GRM7: variants seen among roughly 807,000 people sequenced by gnomAD.
GRM7 encodes the protein glutamate metabotropic receptor 7, also known as metabotropic glutamate receptor 7.
GRM7 carries 35 observed loss-of-function variants against 84.5 expected under a neutral mutation model. The observed-to-expected ratio is 0.41, with a 90% CI of 0.32 to 0.55. The LOEUF is 0.55. Ranked by LOEUF, GRM7 falls within the 20% of genes least tolerant of loss-of-function variation. GRM7 has a pLI of 0.19. For synonymous variants in GRM7, 487 were observed against 455.1 expected (o/e 1.07, Z -0.89); for missense variants, 1,003 against 1,194.6 (o/e 0.84, Z 2.36).
rs1291092474 is a variant in GRM7, at chr3:7,578,537, C to T, written c.1631C>T (p.Thr544Ile). The T allele has an allele frequency of 6.2e-7, 1 of 1,613,894 alleles. No individual in the cohort carries two copies. Among genetic ancestry groups the T allele is most frequent in the Non-Finnish European group, 8.5e-7 (1 of 1,179,838 alleles). Reference sequence around the variant, plus strand: ...CAGAAAGGAACTCCTTGCTGTTGGACCTGTGAGCCTTGCGATGGTTACCAG... The same window carrying T: ...CAGAAAGGAACTCCTTGCTGTTGGATCTGTGAGCCTTGCGATGGTTACCAG... ...KTQKGTPCCW[T>I]CEPCDGYQYQ... is the part of the protein sequence containing the mutation. Residue 544 changes from threonine to isoleucine, a missense_variant, in exon 8 of 10, where the codon ACC becomes ATC. This residue lies in a region of GRM7 where 910 missense variants were observed against 1,126.0 expected (regional missense o/e 0.81). Coordinates refer to ENST00000357716, the MANE Select transcript of GRM7 (RefSeq NM_000844.4).
intron 1 of GRM7, among the ~76,000 whole-genome samples, chr3:7,028,157 G>A (rs1304819309): frequency 6.6e-6 from 1 of 152,164 alleles, no homozygotes; most frequent in African/African-American, 2.4e-5. Context: ...GCCTGGTGCA[G>A]AGCAACCCTA....
At chr3:6,906,985 A>G (rs946879722) in intron 1 of GRM7, among the ~76,000 whole-genome samples, 9 of 152,172 alleles carry the variant, frequency 5.9e-5, no homozygotes, top group African/African-American at 9.7e-5. Context: ...GACAAATTCA[A>G]CACCTCCCAA....
At chr3:7,485,364 C>G (rs562355863) in intron 7 of GRM7, among the ~76,000 whole-genome samples, 1 of 152,278 alleles carries the variant, frequency 6.6e-6, no homozygotes, top group South Asian at 2.1e-4. Context: ...AGTTTCTCAA[C>G]TCACCTACTG....
chr3:7,024,866 A>G (rs966893768), intron 1 of GRM7, among the ~76,000 whole-genome samples: 4 of 152,222 alleles, frequency 2.6e-5, no homozygotes, highest in African/African-American at 9.6e-5. Flanking sequence ...GTTTTCTATG[A>G]CTGTTGTAAG....
chr3:7,561,514 G>A (rs1391455530), intron 7 of GRM7: 3 of 456,526 alleles, frequency 6.6e-6, no homozygotes, highest in Middle Eastern at 3.3e-4. Flanking sequence ...GACCATTTGT[G>A]CCTGCTACAG....
intron 1 of GRM7, among the ~76,000 whole-genome samples, chr3:7,068,013 G>A (rs1453199355): frequency 6.6e-6 from 1 of 151,950 alleles, no homozygotes; most frequent in Non-Finnish European, 1.5e-5. Context: ...CTGTAATGTA[G>A]TTATTACAAT....
At chr3:7,608,819 G>C (rs1317925401) in intron 8 of GRM7, among the ~76,000 whole-genome samples, 1 of 152,092 alleles carries the variant, frequency 6.6e-6, no homozygotes, top group Non-Finnish European at 1.5e-5. Context: ...TAATGCCTAG[G>C]TTGTCTTCCA....
At chr3:7,625,189 T>C (rs1697550038) in intron 8 of GRM7, among the ~76,000 whole-genome samples, 1 of 152,166 alleles carries the variant, frequency 6.6e-6, no homozygotes. Context: ...TAGAACACTC[T>C]GGTAGCTGTC....
chr3:7,302,337 A>C (rs1217482266), intron 3 of GRM7, among the ~76,000 whole-genome samples: 1 of 152,180 alleles, frequency 6.6e-6, no homozygotes, highest in Non-Finnish European at 1.5e-5. Context: ...CATCTTTTAC[A>C]ATTCATATTA....
chr3:7,703,349 T>C (rs1701287733), intron 9 of GRM7, among the ~76,000 whole-genome samples: 1 of 152,174 alleles, frequency 6.6e-6, no homozygotes. Context: ...TGCATGCTAC[T>C]GTAAGTTCTT....
intron 2 of GRM7, among the ~76,000 whole-genome samples, chr3:7,176,228 GTAAAAAAAAA>G (rs1695142096): frequency 1.4e-4 from 2 of 14,012 alleles, no homozygotes; most frequent in Non-Finnish European, 2.3e-4. Context: ...TCTATAAAAA[GTAAAAAAAAA>G]AAAAAAAAAA....
intron 2 of GRM7, among the ~76,000 whole-genome samples, chr3:7,177,211 C>T (rs1400205673): frequency 6.6e-6 from 1 of 152,136 alleles, no homozygotes; most frequent in African/African-American, 2.4e-5. Context: ...AAATGCATAG[C>T]CTTTAAGGCT....
intron 4 of GRM7, among the ~76,000 whole-genome samples, chr3:7,366,048 T>C (rs1693877427): frequency 6.6e-6 from 1 of 151,768 alleles, no homozygotes; most frequent in Non-Finnish European, 1.5e-5. Context: ...TTCCTACTTT[T>C]GTGGACTGTG....
intron 1 of GRM7, among the ~76,000 whole-genome samples, chr3:6,901,350 A>T (rs1696373658): frequency 6.6e-6 from 1 of 152,168 alleles, no homozygotes. Context: ...CTGTAATCCC[A>T]GTACTTTGGG....
At chr3:7,119,124 T>G (rs1326311008) in intron 1 of GRM7, among the ~76,000 whole-genome samples, 1 of 152,164 alleles carries the variant, frequency 6.6e-6, no homozygotes, top group African/African-American at 2.4e-5. Flanking sequence ...TTTTAGAAAC[T>G]ATGAGTGTGC....
chr3:7,306,479 T>C lies in GRM7; in HGVS notation c.879-19T>C. The C allele has an allele frequency of 1.9e-6, 3 of 1,609,538 alleles. No individual in the cohort carries two copies. The highest frequency in any genetic ancestry group is 2.6e-6 in the Non-Finnish European group (3 of 1,175,896). Reference sequence around the variant, plus strand: ...ACGTTCTTTATCATTAATATAACTTTCCATATTTCTTTCCACAGGCAGATC... The same window carrying C: ...ACGTTCTTTATCATTAATATAACTTCCCATATTTCTTTCCACAGGCAGATC... On this transcript the variant is annotated intron_variant, in intron 3 of 9. Transcript: ENST00000357716.
intron 1 of GRM7, among the ~76,000 whole-genome samples, chr3:7,064,469 T>TATATACACACACACATATAC (rs1448498090): frequency 4.9e-5 from 4 of 82,182 alleles, no homozygotes; most frequent in African/African-American, 2.6e-4. Flanking sequence ...TATACATATA[T>TATATACACACACACATATAC]ATATATATAT....
chr3:7,591,839 G>C (rs1371900412), intron 8 of GRM7, among the ~76,000 whole-genome samples: 7 of 152,084 alleles, frequency 4.6e-5, no homozygotes, highest in Non-Finnish European at 8.8e-5. Flanking sequence ...CCTTACAAAA[G>C]TTAAGTGACT....
chr3:7,711,179 T>TGTATG (rs1267001490), intron 9 of GRM7, among the ~76,000 whole-genome samples: 9 of 152,228 alleles, frequency 5.9e-5, no homozygotes, highest in Non-Finnish European at 1.0e-4. Context: ...ATGCAGAAAA[T>TGTATG]CATAAGGGCA....
Sources: gnomAD v4.1 joint callset for allele counts (sites outside exome capture counted in the v4.1 genomes callset) on GRCh38, gnomAD v4.1.1 for gene constraint, gnomAD v4.1.1 regional missense constraint, MANE v1.5 for transcripts, NCBI Gene and HGNC (gene_info 2026-07-23, HGNC 2026-07-21) for gene names.